The following TERB2 variants were observed in gnomAD, a reference collection of about 807,000 sequenced individuals.
TERB2 encodes the protein telomere repeats-binding bouquet formation protein 2.
A neutral mutation model predicts 29.8 loss-of-function variants in TERB2; 26 were observed. That is an observed-to-expected ratio of 0.87 (90% CI 0.64 to 1.21). The LOEUF is 1.21. TERB2 is among the 50% of genes most tolerant of loss of function. The probability of loss-of-function intolerance (pLI) is 0.00; values close to 1 mark genes in which losing one functional copy is unlikely to be tolerated. For missense variants in TERB2, 240 were observed against 268.6 expected (o/e 0.89, Z 0.74); for synonymous variants, 80 against 90.8 (o/e 0.88, Z 0.68).
Position 44,966,194 on chromosome 15 carries a change from A to T in TERB2, c.385A>T (p.Arg129Trp). 6.4e-7 allele frequency: 1 copy of T among 1,561,566 alleles called. No individual in the cohort carries two copies. The highest frequency in any genetic ancestry group is 8.6e-7 in the Non-Finnish European group (1 of 1,158,698). Residue 129 changes from arginine (R) to tryptophan (W), a missense_variant, in exon 5 of 7, where the codon AGG (arginine) becomes TGG (tryptophan). Physicochemically the swap from Arg to Trp is moderately radical, Grantham distance 101. Coordinates refer to ENST00000340827, the MANE Select transcript of TERB2 (RefSeq NM_152448.3). ...EVTPNEIKTL[R>W]ENSELATEHK... ...AACACCAAATGAAATAAAGACCCTT[A>T]GGGAAAACAGTGAACTAGCAACAGA...
In TERB2 at chr15:44,961,596, TTAAGG is replaced by T; in HGVS notation, c.348+15_348+19del. The T allele has an allele frequency of 6.4e-7, 1 of 1,560,354 alleles. No homozygotes were observed. The stretch of plus-strand genomic sequence containing the variant: ...TTCTGATAGAAAAGGTAAGAGTAAA[TTAAGG>T]TACTTGATTAGCATCTACAGCTTCA... On this transcript the variant is annotated intron_variant, in intron 4 of 6. Coordinates refer to ENST00000340827, the MANE Select transcript of TERB2 (RefSeq NM_152448.3).
rs565786636 is a variant in TERB2 at position 44,961,615 on chromosome 15, T to A, written c.348+31T>A. 4 of 1,445,614 alleles carry A rather than the reference T, an allele frequency of 2.8e-6. No homozygotes were observed. The Admixed American group carries it at 6.3e-5, about 23-fold the overall frequency. The allele number at this position is 1,445,614 out of a possible 1,614,324, so 89.5% of individuals were successfully genotyped here. A position where few individuals can be genotyped will look rare whatever the true frequency, so the allele number is the denominator to read the frequency against. ...AGTAAATTAAGGTACTTGATTAGCA[T>A]CTACAGCTTCAACATTTTCTGAAAG... On this transcript the variant is annotated intron_variant, in intron 4 of 6. Coordinates refer to ENST00000340827, the MANE Select transcript of TERB2 (RefSeq NM_152448.3).
chr15:44,974,740 TTTTTAAAGTATGGGTTTTTGA>T (rs1304731577), intron 6 of TERB2, among the ~76,000 whole-genome samples: 1 of 152,210 alleles, frequency 6.6e-6, no homozygotes, highest in Non-Finnish European at 1.5e-5. Flanking sequence ...AAAAGAGCAA[TTTTTAAAGTATGGGTTTTTGA>T]AAGCTTATTT....
chr15:44,973,902 A>G lies in TERB2; in HGVS notation c.470A>G (p.Glu157Gly). 1 of 1,601,350 alleles carries G rather than the reference A, an allele frequency of 6.2e-7. No homozygotes were observed. Among genetic ancestry groups the G allele is most frequent in the African/African-American group, 1.3e-5 (1 of 74,636 alleles). ...CATTTTATAAGAACTCCAGTTGTAGAAAAGCAGATGTACTTCCCTCTACAG... is the reference window on the plus strand; with the variant it reads ...CATTTTATAAGAACTCCAGTTGTAGGAAAGCAGATGTACTTCCCTCTACAG... ...EKHFIRTPVVEKQMYFPLQNY... is the reference protein window; with the variant it reads ...EKHFIRTPVVGKQMYFPLQNY... The change falls in exon 6 of 7, where the codon GAA becomes GGA. Residue 157 changes from glutamate (E) to glycine (G), a missense_variant. Physicochemically the swap from Glu to Gly is moderately conservative, Grantham distance 98. Transcript: ENST00000340827.
At chr15:44,976,735 C>T (rs1828526056) in intron 6 of TERB2, among the ~76,000 whole-genome samples, 1 of 152,074 alleles carries the variant, frequency 6.6e-6, no homozygotes, top group Admixed American at 6.6e-5. Flanking sequence ...TTCCCTTCTC[C>T]CTCCCAATTT....
At chr15:44,962,836 G>T (rs1891827964) in intron 4 of TERB2, 1 of 152,184 alleles carries the variant, frequency 6.6e-6, no homozygotes, top group Non-Finnish European at 1.5e-5. Flanking sequence ...CCATGTGCTT[G>T]CTTCGGCAGC....
chr15:44,961,190 T>TGA (rs981747623), intron 3 of TERB2, among the ~76,000 whole-genome samples: 3 of 124,098 alleles, frequency 2.4e-5, no homozygotes, highest in African/African-American at 1.1e-4. Context: ...CATACCTCAA[T>TGA]GATATATATA....
chr15:44,958,546 A>C, intron 3 of TERB2, 34 bp downstream of exon 3: 1 of 1,569,420 alleles, frequency 6.4e-7, no homozygotes, highest in Non-Finnish European at 8.7e-7. Flanking sequence ...TCCCTGTCAG[A>C]CAGCCAAATC....
chr15:44,961,857 G>A (rs112447191), intron 4 of TERB2, among the ~76,000 whole-genome samples: 7 of 151,986 alleles, frequency 4.6e-5, no homozygotes, highest in African/African-American at 9.7e-5. Flanking sequence ...GTGCCACCAC[G>A]CCCGGCTAAT....
chr15:44,959,028 T>C (rs946545313), intron 3 of TERB2, among the ~76,000 whole-genome samples: 2 of 152,162 alleles, frequency 1.3e-5, no homozygotes, highest in African/African-American at 2.4e-5. Context: ...CTCTATTTAT[T>C]TTAATAATTT....
In TERB2 at chr15:44,957,157, T is replaced by G. The variant is rs569118845; in HGVS notation, c.146+180T>G. On this transcript the variant is annotated intron_variant, in intron 2 of 6. Coordinates refer to ENST00000340827, the MANE Select transcript of TERB2 (RefSeq NM_152448.3). ...TGAACTCGGGAGGCGGAGGTTGCAG[T>G]GAGCCAAGATCGCACCACTGCACTC... is the stretch of plus-strand genomic sequence containing the variant. 2.1e-4 allele frequency among the ~76,000 whole-genome samples: 31 copies of G among 150,288 alleles called. No homozygotes were observed. The South Asian group carries it at 6.5e-3, about 31-fold the overall frequency.
intron 6 of TERB2, among the ~76,000 whole-genome samples, chr15:44,977,993 C>T (rs1418399931): frequency 3.3e-5 from 5 of 152,060 alleles, no homozygotes; most frequent in Non-Finnish European, 5.9e-5. Context: ...CACCCATTAT[C>T]TTTGTTGACT....
Position 44,967,752 on chromosome 15 carries a change from G to T in TERB2, c.434+1509G>T, listed in dbSNP as rs1367111130. 2.8e-5 allele frequency among the ~76,000 whole-genome samples: 4 copies of T among 142,526 alleles called. No homozygotes were observed. The Admixed American group carries it at 2.9e-4, about 10-fold the overall frequency. 93.5% of individuals were successfully genotyped at this position (142,526 alleles called of 152,430 possible). ...GAAAGCAAGCCAGGAGTGGAATCAG[G>T]GGAGGGGAGGATGGGACTGGGGTAC... On this transcript the variant is annotated intron_variant, in intron 5 of 6. Coordinates refer to ENST00000340827, the MANE Select transcript of TERB2 (RefSeq NM_152448.3).
At chr15:44,959,928 T>G (rs1426127046) in intron 3 of TERB2, among the ~76,000 whole-genome samples, 1 of 152,196 alleles carries the variant, frequency 6.6e-6, no homozygotes, top group Admixed American at 6.5e-5. Context: ...CCCCAGAGAT[T>G]TGGTTCCTTC....
rs757184485 is a variant in TERB2 at position 44,973,986 on chromosome 15, A to G, written c.523+31A>G. The G allele has an allele frequency of 6.1e-6, 9 of 1,475,752 alleles. No homozygotes were observed. The African/African-American group carries it at 7.1e-5, about 12-fold the overall frequency. 91.4% of individuals were successfully genotyped at this position (1,475,752 alleles called of 1,614,324 possible). A position where few individuals can be genotyped will look rare whatever the true frequency, so the allele number is the denominator to read the frequency against. ...TTAAAATAAAATTTAGAGTAAACTC[A>G]GGTAGGAAAGAAACAAGGGAATATT... On this transcript the variant is annotated intron_variant, in intron 6 of 6. Coordinates refer to ENST00000340827, the MANE Select transcript of TERB2 (RefSeq NM_152448.3).
rs1205513664 is a variant in TERB2, at chr15:44,958,500, T to A, written c.274T>A (p.Cys92Ser). 5 of 1,611,746 alleles carry A rather than the reference T, an allele frequency of 3.1e-6. No individual in the cohort carries two copies. The highest frequency in any genetic ancestry group is 4.2e-6 in the Non-Finnish European group (5 of 1,178,682). Residue 92 changes from cysteine to serine, a missense_variant, in exon 3 of 7, where the codon TGC becomes AGC. By Grantham distance (112) the Cys-to-Ser change is moderately radical (BLOSUM62 -1). Coordinates refer to ENST00000340827, the MANE Select transcript of TERB2 (RefSeq NM_152448.3). The part of the protein sequence containing the change: ...ALGHFILPPA[C>S]LQKEIRRKIG... ...GGGTCATTTCATTCTTCCTCCTGCG[T>A]GCCTGCAAAAAGGTTAGCAAAGATC...
Position 44,958,374 on chromosome 15 carries a change from A to C in TERB2, c.148A>C (p.Ile50Leu), listed in dbSNP as rs1891752656. ...AAATATTTCCTTTCTTTCTCCTAGA[A>C]TATATCAGAGCCTTGATTACATAGA... is the stretch of plus-strand genomic sequence containing the variant. ...CDASHPDTLR[I>L]YQSLDYIEDN... The change falls in exon 3 of 7, where the codon ATA (isoleucine) becomes CTA (leucine). Residue 50 changes from isoleucine to leucine, a missense_variant and splice_region_variant. By Grantham distance (5) the Ile-to-Leu change is conservative (BLOSUM62 2). Coordinates refer to ENST00000340827, the MANE Select transcript of TERB2 (RefSeq NM_152448.3). The C allele has an allele frequency of 1.2e-6, 2 of 1,607,318 alleles. No homozygotes were observed. Among genetic ancestry groups the C allele is most frequent in the Non-Finnish European group, 1.7e-6 (2 of 1,178,200 alleles).
At chr15:44,973,695 G>A (rs1475050281) in intron 5 of TERB2, 172 bp from the exon 6 acceptor site, 1 of 404,152 alleles carries the variant, frequency 2.5e-6, no homozygotes, top group Non-Finnish European at 3.5e-6. Context: ...CCTGGAATAA[G>A]TTCTTACTTG....
chr15:44,966,945 A>T (rs1784771249), intron 5 of TERB2, among the ~76,000 whole-genome samples: 1 of 152,148 alleles, frequency 6.6e-6, no homozygotes, highest in South Asian at 2.1e-4. Flanking sequence ...TAAAAAATTT[A>T]AAATACTAGC....
Sources: allele counts gnomAD v4.1 joint callset (sites outside exome capture counted in the v4.1 genomes callset), GRCh38; gene constraint gnomAD v4.1.1; transcripts MANE v1.5; gene names NCBI Gene and HGNC (gene_info 2026-07-23, HGNC 2026-07-21).